Variants in MND1 observed in about 807,000 individuals in gnomAD.
MND1 encodes meiotic nuclear division protein 1 homolog.
MND1 carries 28 observed loss-of-function variants against 35.1 expected under a neutral mutation model. The observed-to-expected ratio is 0.80, with a 90% CI of 0.59 to 1.09. The LOEUF is 1.09. MND1 is among the 50% of genes least tolerant of loss of function. MND1 has a pLI of 0.00. For synonymous variants in MND1, 69 were observed against 70.5 expected, an observed-to-expected ratio of 0.98 and a Z score of 0.11; for missense variants, 213 against 239.6, an observed-to-expected ratio of 0.89 and a Z score of 0.73.
chr4:153,411,561 A>AT (rs1354890811), intron 7 of MND1, among the ~76,000 whole-genome samples: 7 of 151,976 alleles, frequency 4.6e-5, no homozygotes, highest in African/African-American at 1.2e-4. Flanking sequence ...AGAGGTTTTT[A>AT]TTTGTTCTTT....
chr4:153,374,247 G>C (rs989686963), intron 4 of MND1, among the ~76,000 whole-genome samples: 1 of 152,146 alleles, frequency 6.6e-6, no homozygotes, highest in African/African-American at 2.4e-5. Context: ...TTTTCATTTA[G>C]TTAGAACAAA....
At chr4:153,358,114 T>C (rs1773390667) in intron 3 of MND1, among the ~76,000 whole-genome samples, 1 of 152,202 alleles carries the variant, frequency 6.6e-6, no homozygotes, top group Non-Finnish European at 1.5e-5. Flanking sequence ...AAAGTAAGTA[T>C]GGAAATGATC....
chr4:153,355,648 A>G lies in MND1; in HGVS notation c.70-6A>G, dbSNP rs1382342712. 4 of 1,562,426 alleles carry G rather than the reference A, an allele frequency of 2.6e-6. No homozygotes were observed. The highest frequency in any genetic ancestry group is 3.5e-6 in the Non-Finnish European group (4 of 1,136,758). On this transcript the variant is annotated splice_polypyrimidine_tract_variant and splice_region_variant and intron_variant, in intron 2 of 7. Transcript: ENST00000240488. ...CTTTTCATTTTCTTTAAAACCCTTT[A>G]AACAGAAAGATGTATTTCAATTAAA...
At chr4:153,392,464 A>T (rs1729074315) in intron 4 of MND1, among the ~76,000 whole-genome samples, 1 of 152,082 alleles carries the variant, frequency 6.6e-6, no homozygotes, top group South Asian at 2.1e-4. Flanking sequence ...ATTATTAATT[A>T]TTTTCTAAGT....
At chr4:153,348,838 A>G (rs1180253394) in intron 1 of MND1, among the ~76,000 whole-genome samples, 1 of 152,194 alleles carries the variant, frequency 6.6e-6, no homozygotes, top group Non-Finnish European at 1.5e-5. Flanking sequence ...TTTTACAAGA[A>G]TTAAGACTCA....
chr4:153,395,746 T>TA (rs563135353), intron 5 of MND1, among the ~76,000 whole-genome samples: 66 of 152,350 alleles, frequency 4.3e-4, no homozygotes, highest in Admixed American at 1.1e-3. Context: ...ACAAAGAGGC[T>TA]AAATACTTTG....
chr4:153,391,451 T>C (rs1042394010), intron 4 of MND1, among the ~76,000 whole-genome samples: 8 of 151,600 alleles, frequency 5.3e-5, no homozygotes, highest in Non-Finnish European at 8.8e-5. Context: ...TCCGGCCGGG[T>C]GTGGTGGCTT....
At chr4:153,383,741 TC>T (rs1447743535) in intron 4 of MND1, among the ~76,000 whole-genome samples, 1 of 152,246 alleles carries the variant, frequency 6.6e-6, no homozygotes, top group Non-Finnish European at 1.5e-5. Context: ...AAAGGGCACA[TC>T]CGCTTCCAAC....
chr4:153,366,893 T>G (rs1024621607), intron 4 of MND1, among the ~76,000 whole-genome samples: 1 of 152,350 alleles, frequency 6.6e-6, no homozygotes, highest in East Asian at 1.9e-4. Flanking sequence ...GATTAAGAGC[T>G]TGTCCAAGGT....
intron 1 of MND1, among the ~76,000 whole-genome samples, chr4:153,347,421 G>A (rs1454106014): frequency 2.0e-5 from 3 of 152,172 alleles, no homozygotes; most frequent in Non-Finnish European, 4.4e-5. Flanking sequence ...ATGGGAGTAT[G>A]GTAGGTGTTG....
At chr4:153,414,130 G>A (rs755257885) in intron 7 of MND1, among the ~76,000 whole-genome samples, 1 of 152,082 alleles carries the variant, frequency 6.6e-6, no homozygotes, top group African/African-American at 2.4e-5. Flanking sequence ...AATTCCTGAG[G>A]CAACAGTCCT....
chr4:153,378,616 G>C (rs1031789571), intron 4 of MND1, among the ~76,000 whole-genome samples: 1 of 152,064 alleles, frequency 6.6e-6, no homozygotes, highest in Non-Finnish European at 1.5e-5. Context: ...TAAGTTTATG[G>C]GTTCATTTTA....
At chr4:153,385,043 G>C (rs1051817850) in intron 4 of MND1, among the ~76,000 whole-genome samples, 1 of 152,160 alleles carries the variant, frequency 6.6e-6, no homozygotes, top group Admixed American at 6.5e-5. Flanking sequence ...TACATGCAAA[G>C]CAATACCTTA....
chr4:153,410,132 G>A (rs1729641168), intron 7 of MND1, among the ~76,000 whole-genome samples: 1 of 152,150 alleles, frequency 6.6e-6, no homozygotes, highest in Admixed American at 6.6e-5. Flanking sequence ...CCCATTTTGG[G>A]AGGATTAAAT....
At chr4:153,370,349 T>C (rs1328796801) in intron 4 of MND1, among the ~76,000 whole-genome samples, 2 of 152,062 alleles carry the variant, frequency 1.3e-5, no homozygotes, top group Admixed American at 1.3e-4. Flanking sequence ...GTCACATCTT[T>C]ATTCTCTGCT....
chr4:153,365,115 A>AC (rs2149637329), intron 4 of MND1, among the ~76,000 whole-genome samples: 2 of 152,206 alleles, frequency 1.3e-5, no homozygotes, highest in South Asian at 4.2e-4. Context: ...AAAAAAAAAA[A>AC]AACTATCCAA....
intron 2 of MND1, among the ~76,000 whole-genome samples, chr4:153,351,839 G>GA (rs1156582797): frequency 2.0e-5 from 3 of 152,142 alleles, no homozygotes; most frequent in African/African-American, 7.2e-5. Context: ...ATGTTAAGTA[G>GA]AAAATGTAGA....
chr4:153,360,086 C>A (rs1001345235), intron 4 of MND1, among the ~76,000 whole-genome samples: 1 of 151,970 alleles, frequency 6.6e-6, no homozygotes, highest in Non-Finnish European at 1.5e-5. Context: ...CACACCCAGC[C>A]CTGGAACATC....
intron 2 of MND1, 52 bp downstream of exon 2, chr4:153,350,181 A>G (rs747098588): frequency 1.1e-5 from 15 of 1,317,340 alleles, no homozygotes; most frequent in Admixed American, 1.1e-4. Flanking sequence ...CATCTTAAGT[A>G]TATGTCATCC....
Sources: allele counts gnomAD v4.1 joint callset (sites outside exome capture counted in the v4.1 genomes callset), GRCh38; gene constraint gnomAD v4.1.1; transcripts MANE v1.5; gene names NCBI Gene and HGNC (gene_info 2026-07-23, HGNC 2026-07-21).